Variants in MACROD2 observed in about 807,000 individuals in gnomAD.
MACROD2 encodes ADP-ribose glycohydrolase MACROD2.
Under a neutral mutation model 70.4 loss-of-function variants are expected in MACROD2, and 36 were observed. That is an observed-to-expected ratio of 0.51 (90% CI 0.39 to 0.68). The LOEUF (loss-of-function observed/expected upper bound fraction) is 0.68. Ranked by LOEUF, MACROD2 falls within the 30% of genes least tolerant of loss-of-function variation. The pLI is 0.00. For missense variants in MACROD2, 496 were observed against 538.4 expected, an observed-to-expected ratio of 0.92 and a Z score of 0.78; for synonymous variants, 172 against 178.8, an observed-to-expected ratio of 0.96 and a Z score of 0.30.
At chr20:15,293,802 A>G (rs1380658753) in intron 6 of MACROD2, among the ~76,000 whole-genome samples, 1 of 152,202 alleles carries the variant, frequency 6.6e-6, no homozygotes, top group Non-Finnish European at 1.5e-5. Flanking sequence ...GTTACAAAAA[A>G]TACAGGAGGC....
At chr20:15,703,939 C>T (rs142527656) in intron 8 of MACROD2, among the ~76,000 whole-genome samples, 3 of 152,142 alleles carry the variant, frequency 2.0e-5, no homozygotes, top group Middle Eastern at 3.4e-3. Context: ...AGATATAGCC[C>T]CAGAAATCAC....
chr20:15,801,902 A>G (rs1213237416), intron 8 of MACROD2, among the ~76,000 whole-genome samples: 1 of 152,078 alleles, frequency 6.6e-6, no homozygotes, highest in Non-Finnish European at 1.5e-5. Flanking sequence ...TTTTTATTGC[A>G]GAAGTCTTTA....
chr20:15,751,191 G>A (rs927255676), intron 8 of MACROD2, among the ~76,000 whole-genome samples: 9 of 152,112 alleles, frequency 5.9e-5, no homozygotes, highest in South Asian at 2.1e-4. Context: ...CACACTGAAT[G>A]TCTGGATTTG....
chr20:14,144,796 T>G (rs1050287366), intron 3 of MACROD2, among the ~76,000 whole-genome samples: 2 of 152,150 alleles, frequency 1.3e-5, no homozygotes, highest in Non-Finnish European at 2.9e-5. Flanking sequence ...GTATGTTATT[T>G]GTATATAATG....
intron 3 of MACROD2, among the ~76,000 whole-genome samples, chr20:14,087,392 G>C (rs2054090943): frequency 1.3e-5 from 2 of 149,592 alleles, no homozygotes; most frequent in Admixed American, 6.7e-5. Flanking sequence ...TTGAGACCAT[G>C]TCTCAAAAAA....
intron 5 of MACROD2, among the ~76,000 whole-genome samples, chr20:14,953,032 A>T (rs879937730): frequency 2.6e-5 from 4 of 152,122 alleles, no homozygotes; most frequent in Non-Finnish European, 4.4e-5. Context: ...GAGAAGACAC[A>T]GTATACAGTG....
chr20:15,777,510 TTTCCTTCCTTCCTTCCTTCC>T (rs746262814), intron 8 of MACROD2, among the ~76,000 whole-genome samples: 28,996 of 82,356 alleles, frequency 0.35, 4,811 homozygotes, highest in Non-Finnish European at 0.4. Flanking sequence ...TCCTTCCTTC[TTTCCTTCCTTCCTTCCTTCC>T]TTCCTTCCTT....
At chr20:15,508,389 A>T (rs1412319416) in intron 8 of MACROD2, among the ~76,000 whole-genome samples, 3 of 152,022 alleles carry the variant, frequency 2.0e-5, no homozygotes, top group Non-Finnish European at 4.4e-5. Context: ...TTCTAGAAAG[A>T]GTTCTAGGAG....
At chr20:14,892,084 G>T (rs1280310256) in intron 5 of MACROD2, among the ~76,000 whole-genome samples, 1 of 152,142 alleles carries the variant, frequency 6.6e-6, no homozygotes, top group Non-Finnish European at 1.5e-5. Flanking sequence ...GGTTTCGATA[G>T]TTGTCCTTTC....
intron 5 of MACROD2, among the ~76,000 whole-genome samples, chr20:14,978,841 G>C (rs1050019591): frequency 6.9e-6 from 1 of 145,494 alleles, no homozygotes; most frequent in Admixed American, 6.9e-5. Context: ...TTGCAAAGGA[G>C]GGTATTATTA....
At chr20:16,035,409 T>G (rs2067221431) in intron 15 of MACROD2, among the ~76,000 whole-genome samples, 1 of 151,540 alleles carries the variant, frequency 6.6e-6, no homozygotes, top group Non-Finnish European at 1.5e-5. Flanking sequence ...TGAGCAGAGT[T>G]TAGCCTGTTA....
chr20:15,110,124 A>G (rs2123218164), intron 5 of MACROD2, among the ~76,000 whole-genome samples: 1 of 152,290 alleles, frequency 6.6e-6, no homozygotes, highest in African/African-American at 2.4e-5. Flanking sequence ...TCCAAGTGCT[A>G]TCATTTAATT....
intron 2 of MACROD2, among the ~76,000 whole-genome samples, chr20:14,006,301 CAA>C (rs2052819264): frequency 1.3e-5 from 2 of 152,264 alleles, no homozygotes; most frequent in Non-Finnish European, 2.9e-5. Flanking sequence ...CTGACTGTAG[CAA>C]TGCATCCATT....
intron 5 of MACROD2, among the ~76,000 whole-genome samples, chr20:15,046,631 A>G (rs1049791911): frequency 6.6e-6 from 1 of 152,160 alleles, no homozygotes; most frequent in African/African-American, 2.4e-5. Context: ...GTCCGTTCCC[A>G]GTCAGTTTCA....
At chr20:14,049,942 G>A (rs192312865) in intron 2 of MACROD2, among the ~76,000 whole-genome samples, 88 of 151,976 alleles carry the variant, frequency 5.8e-4, no homozygotes, top group African/African-American at 2.0e-3. Context: ...AAATTAGCTG[G>A]GCGTGGTGGC....
chr20:15,493,798 G>C (rs760088543), intron 7 of MACROD2, among the ~76,000 whole-genome samples: 3 of 152,138 alleles, frequency 2.0e-5, no homozygotes, highest in Non-Finnish European at 4.4e-5. Context: ...TTAGACATGG[G>C]GTAGAATCTT....
chr20:15,958,472 T>C (rs1011228260), intron 12 of MACROD2, among the ~76,000 whole-genome samples: 6 of 152,158 alleles, frequency 3.9e-5, no homozygotes, highest in African/African-American at 1.4e-4. Flanking sequence ...ATTTTAAGGA[T>C]CAAATGAAAA....
chr20:15,395,651 G>A (rs1018426348), intron 6 of MACROD2, among the ~76,000 whole-genome samples: 1 of 152,208 alleles, frequency 6.6e-6, no homozygotes, highest in African/African-American at 2.4e-5. Flanking sequence ...GAAGTGAGCT[G>A]TTGTTTCCCG....
intron 7 of MACROD2, among the ~76,000 whole-genome samples, chr20:15,472,196 G>C (rs556961148): frequency 6.6e-6 from 1 of 152,252 alleles, no homozygotes; most frequent in Non-Finnish European, 1.5e-5. Flanking sequence ...CTGTAGCTTT[G>C]AGTGCTTCAA....
Sources: gnomAD v4.1 joint callset for allele counts (sites outside exome capture counted in the v4.1 genomes callset) on GRCh38, gnomAD v4.1.1 for gene constraint, MANE v1.5 for transcripts, NCBI Gene and HGNC (gene_info 2026-07-23, HGNC 2026-07-21) for gene names.